The following SMARCC1 variants were observed in gnomAD, a reference collection of about 807,000 sequenced individuals.
The protein encoded by SMARCC1 is SWI/SNF complex subunit SMARCC1.
A neutral mutation model predicts 147.4 loss-of-function variants in SMARCC1; 43 were observed. The observed-to-expected ratio is 0.29, with a 90% CI of 0.23 to 0.38. SMARCC1 has a LOEUF of 0.38. Among genes scored for constraint, SMARCC1 ranks in the 10% least tolerant of loss-of-function variants. The probability of loss-of-function intolerance (pLI) is 1.00; values close to 1 mark genes in which losing one functional copy is unlikely to be tolerated. For missense variants in SMARCC1, 1,119 were observed against 1,381.1 expected (o/e 0.81, Z 3.01); for synonymous variants, 495 against 484.4 (o/e 1.02, Z -0.29).
Position 47,770,069 on chromosome 3 carries a change from C to CA in SMARCC1, c.315+2747dup, listed in dbSNP as rs535551573. On this transcript the variant is annotated intron_variant, in intron 2 of 27. Transcript: ENST00000254480. Reference sequence around the variant, plus strand: ...TGAAACCCCGTCTCTACTAAAAATACAAAAAAAAAATTAGCCAGTGTGGTG... The same window carrying CA: ...TGAAACCCCGTCTCTACTAAAAATACAAAAAAAAAAATTAGCCAGTGTGGTG... Among the ~76,000 whole-genome samples the CA allele has an allele frequency of 3.0e-3, 450 of 147,748 alleles. 3 individuals carry two copies. The highest frequency in any genetic ancestry group is 4.3e-3 in the Non-Finnish European group (284 of 66,700).
At chr3:47,596,576 A>AT (rs1421665735) in intron 26 of SMARCC1, among the ~76,000 whole-genome samples, 31 of 151,634 alleles carry the variant, frequency 2.0e-4, no homozygotes, top group African/African-American at 6.3e-4. Context: ...CAAAAAAAAA[A>AT]AAATAAATAA....
At chr3:47,704,050 G>A (rs889845638) in intron 10 of SMARCC1, among the ~76,000 whole-genome samples, 46 of 152,044 alleles carry the variant, frequency 3.0e-4, no homozygotes, top group African/African-American at 1.0e-3. Flanking sequence ...CGCCCGTCTC[G>A]GCCTCCCAAA....
chr3:47,680,471 A>G lies in SMARCC1; in HGVS notation c.1423T>C (p.Phe475Leu). ...VIERRALPEF[F>L]NGKNKSKTPE... ...GTCTTGGATTTGTTTTTTCCATTGAAGAACTCAGGAAGAGCACGCCGTTCA... is the reference window on the plus strand; with the variant it reads ...GTCTTGGATTTGTTTTTTCCATTGAGGAACTCAGGAAGAGCACGCCGTTCA... Residue 475 changes from phenylalanine to leucine, a missense_variant, in exon 15 of 28, where the codon TTC becomes CTC. Around this residue, in one of 6 missense-constraint regions of SMARCC1, gnomAD observed 542 missense variants for 611.8 expected, o/e 0.89. Coordinates refer to ENST00000254480, the MANE Select transcript of SMARCC1 (RefSeq NM_003074.4). The G allele has an allele frequency of 1.2e-6, 2 of 1,611,836 alleles. No homozygotes were observed. The highest frequency in any genetic ancestry group is 8.5e-7 in the Non-Finnish European group (1 of 1,178,968).
intron 21 of SMARCC1, among the ~76,000 whole-genome samples, chr3:47,653,179 G>T (rs1319078672): frequency 1.3e-5 from 2 of 151,972 alleles, no homozygotes; most frequent in African/African-American, 4.8e-5. Flanking sequence ...GGATGGTCTC[G>T]ATCTCCTGAC....
At chr3:47,660,607 A>G (rs1038785869) in intron 21 of SMARCC1, among the ~76,000 whole-genome samples, 2 of 152,180 alleles carry the variant, frequency 1.3e-5, no homozygotes, top group Non-Finnish European at 2.9e-5. Context: ...CATTATGCTA[A>G]GTCAAAGAAG....
chr3:47,613,296 G>T (rs2106673646), intron 25 of SMARCC1, among the ~76,000 whole-genome samples: 1 of 151,912 alleles, frequency 6.6e-6, no homozygotes, highest in Non-Finnish European at 1.5e-5. Flanking sequence ...TTGTGATCAT[G>T]TATAAACACA....
At position 47,597,209 on chromosome 3, in the gene SMARCC1, T is replaced by C. The variant is rs542541303; in HGVS notation, c.3044-6372A>G. On this transcript the variant is annotated intron_variant, in intron 26 of 27. Transcript: ENST00000254480. ...TCTTGCTCTGTCACCCAGGCTGGAG[T>C]ACAGTGGTATGGTCATAGCTCACTA... 8.0e-5 allele frequency among the ~76,000 whole-genome samples: 12 copies of C among 150,344 alleles called. No homozygotes were observed. In the East Asian group the frequency reaches 2.4e-3, roughly 30 times the overall value.
intron 24 of SMARCC1, among the ~76,000 whole-genome samples, chr3:47,623,959 T>C (rs2106687376): frequency 1.3e-5 from 2 of 151,968 alleles, no homozygotes; most frequent in South Asian, 4.2e-4. Flanking sequence ...TTAAGTGTTA[T>C]TCAATAAAAT....
rs187752203 is a variant in SMARCC1 at position 47,630,548 on chromosome 3, A to G, written c.2646+4642T>C. 2.6e-5 allele frequency among the ~76,000 whole-genome samples: 4 copies of G among 152,344 alleles called. No individual in the cohort carries two copies. In the East Asian group the frequency reaches 5.8e-4, roughly 22 times the overall value. Reference sequence around the variant, plus strand: ...GCATTACAAAGCATGAATTCCAACGAGTAGAACAGAAGTAGTTTCTATGTA... The same window carrying G: ...GCATTACAAAGCATGAATTCCAACGGGTAGAACAGAAGTAGTTTCTATGTA... On this transcript the variant is annotated intron_variant, in intron 24 of 27. Transcript: ENST00000254480.
At chr3:47,610,382 G>A (rs1363069957) in intron 25 of SMARCC1, 55 bp from the exon 26 acceptor site, 31 of 1,598,882 alleles carry the variant, frequency 1.9e-5, no homozygotes, top group Non-Finnish European at 2.4e-5. Flanking sequence ...TTCAGGATTG[G>A]ATAACACAAA....
In SMARCC1 at chr3:47,738,828, G is replaced by A. The variant is rs140390288; in HGVS notation, c.402-718C>T. Among the ~76,000 whole-genome samples the A allele has an allele frequency of 2.0e-5, 3 of 152,298 alleles. No homozygotes were observed. In the East Asian group the frequency reaches 5.8e-4, roughly 29 times the overall value. ...TTTCTCCAAATAAAATTTTTAACTG[G>A]CCACAGTAGCAGTCAAGAGCAGAGA... On this transcript the variant is annotated intron_variant, in intron 3 of 27. Coordinates refer to ENST00000254480, the MANE Select transcript of SMARCC1 (RefSeq NM_003074.4).
At position 47,689,409 on chromosome 3, in the gene SMARCC1, T is replaced by A; in HGVS notation, c.1241A>T (p.Glu414Val). Residue 414 changes from glutamate (E) to valine (V), a missense_variant, in exon 13 of 28, where the codon GAA becomes GTA. Glu to Val is a moderately radical substitution (Grantham distance 121, BLOSUM62 -2). Transcript: ENST00000254480. ...TACCTTTCCTCCTGCTGTGACTGTT[T>A]CTTCATCCTGCTCATCTGCAAAACC... Reference protein sequence around the residue: ...TVADLDEQDEETVTAGGKEDE... With the variant: ...TVADLDEQDEVTVTAGGKEDE... The A allele has an allele frequency of 1.9e-6, 3 of 1,613,564 alleles. No individual in the cohort carries two copies. Among genetic ancestry groups the A allele is most frequent in the Non-Finnish European group, 2.5e-6 (3 of 1,179,522 alleles).
intron 1 of SMARCC1, among the ~76,000 whole-genome samples, chr3:47,777,038 T>C (rs1231900059): frequency 6.6e-6 from 1 of 151,556 alleles, no homozygotes; most frequent in African/African-American, 2.4e-5. Flanking sequence ...TCTCCCAAAG[T>C]GCTGGGATTA....
At chr3:47,728,941 C>T in intron 6 of SMARCC1, 84 bp downstream of exon 6, 1 of 790,150 alleles carries the variant, frequency 1.3e-6, no homozygotes, top group Non-Finnish European at 2.0e-6. Context: ...GCTGGTTATT[C>T]TGTTTAAGTC....
rs187458947 is a variant in SMARCC1, at chr3:47,751,429, T to G, written c.316-5436A>C. Among the ~76,000 whole-genome samples, 640 of 152,036 alleles carry G rather than the reference T, an allele frequency of 4.2e-3. 7 individuals carry two copies. The highest frequency in any genetic ancestry group is 0.015 in the African/African-American group (617 of 41,470). The stretch of plus-strand genomic sequence containing the variant: ...GGTGGCAGGCACCTGTAGTCCCAGC[T>G]ACTTGGGAGGCTGAGGCAGAAGAAT... On this transcript the variant is annotated intron_variant, in intron 2 of 27. Transcript: ENST00000254480.
At chr3:47,664,081 C>A in intron 19 of SMARCC1, 1 of 463,826 alleles carries the variant, frequency 2.2e-6, no homozygotes, top group Non-Finnish European at 3.8e-6. Context: ...GTAACTGTAA[C>A]TGAAAGTTTT....
chr3:47,747,679 G>C (rs2034581457), intron 2 of SMARCC1, among the ~76,000 whole-genome samples: 1 of 151,634 alleles, frequency 6.6e-6, no homozygotes, highest in African/African-American at 2.4e-5. Context: ...TGGTTCCAAA[G>C]AAAATGCCTG....
chr3:47,707,897 C>T (rs77215828), intron 9 of SMARCC1, among the ~76,000 whole-genome samples: 1 of 151,900 alleles, frequency 6.6e-6, no homozygotes, highest in East Asian at 1.9e-4. Context: ...ATGAAAAAAT[C>T]CATGAATTAA....
At chr3:47,637,667 G>A (rs2032989071) in intron 22 of SMARCC1, among the ~76,000 whole-genome samples, 1 of 151,722 alleles carries the variant, frequency 6.6e-6, no homozygotes, top group Non-Finnish European at 1.5e-5. Flanking sequence ...AGCCAAGATT[G>A]CGTTGCTGCA....
Sources: gnomAD v4.1 joint callset for allele counts (sites outside exome capture counted in the v4.1 genomes callset) on GRCh38, gnomAD v4.1.1 for gene constraint, gnomAD v4.1.1 regional missense constraint, MANE v1.5 for transcripts, NCBI Gene and HGNC (gene_info 2026-07-23, HGNC 2026-07-21) for gene names.